UNC5D: variants seen among roughly 807,000 people sequenced by gnomAD.
UNC5D encodes netrin receptor UNC5D.
A neutral mutation model predicts 105.4 loss-of-function variants in UNC5D; 39 were observed. That is an observed-to-expected ratio of 0.37 (90% CI 0.29 to 0.48). UNC5D has a LOEUF of 0.48. UNC5D is among the 20% of genes least tolerant of loss of function. The probability of loss-of-function intolerance (pLI) is 0.98; values close to 1 mark genes in which losing one functional copy is unlikely to be tolerated. For missense variants in UNC5D, 991 were observed against 1,202.4 expected (o/e 0.82, Z 2.60); for synonymous variants, 452 against 450.4 (o/e 1.00, Z -0.04).
At chr8:35,478,451 C>A (rs1810260686) in intron 1 of UNC5D, among the ~76,000 whole-genome samples, 1 of 152,126 alleles carries the variant, frequency 6.6e-6, no homozygotes, top group South Asian at 2.1e-4. Context: ...ACATTAATAT[C>A]CTAGATGAAA....
At position 35,777,430 on chromosome 8, in the gene UNC5D, T is replaced by C. The variant is rs1441042537; in HGVS notation, c.2657+2953T>C. Among the ~76,000 whole-genome samples the C allele has an allele frequency of 2.6e-5, 4 of 152,152 alleles. No homozygotes were observed. The East Asian group carries it at 7.7e-4, about 29-fold the overall frequency. ...ATTCAAAACAATAATACTAAATAAA[T>C]GAAAAACCTCATACAGTTAACATAT... On this transcript the variant is annotated intron_variant, in intron 16 of 16. Coordinates refer to ENST00000404895, the MANE Select transcript of UNC5D (RefSeq NM_080872.4).
intron 1 of UNC5D, among the ~76,000 whole-genome samples, chr8:35,247,555 T>C (rs1191688680): frequency 1.7e-5 from 2 of 117,784 alleles, no homozygotes; most frequent in Non-Finnish European, 3.3e-5. Context: ...ATATAAAATA[T>C]ATATAATATA....
chr8:35,292,829 G>C (rs1807178006), intron 1 of UNC5D, among the ~76,000 whole-genome samples: 1 of 147,080 alleles, frequency 6.8e-6, no homozygotes, highest in Non-Finnish European at 1.5e-5. Flanking sequence ...CAATTCTCCT[G>C]CCTCAGCTCC....
chr8:35,554,016 T>A lies in UNC5D; in HGVS notation c.322+4506T>A, dbSNP rs543228997. 6.8e-4 allele frequency among the ~76,000 whole-genome samples: 104 copies of A among 152,318 alleles called. 5 individuals carry two copies. The South Asian group carries it at 0.021, about 30-fold the overall frequency. ...TCTCTTTGGACAACATATTCTCCAT[T>A]TCTGAAATTCTAGAGAAATTTGATA... On this transcript the variant is annotated intron_variant, in intron 2 of 16. Coordinates refer to ENST00000404895, the MANE Select transcript of UNC5D (RefSeq NM_080872.4).
intron 1 of UNC5D, among the ~76,000 whole-genome samples, chr8:35,321,730 T>TA (rs1224148975): frequency 1.3e-5 from 2 of 152,160 alleles, no homozygotes; most frequent in African/African-American, 4.8e-5. Flanking sequence ...ACAAACTATA[T>TA]AGGCAGATTA....
At chr8:35,598,364 C>G (rs1232192858) in intron 4 of UNC5D, among the ~76,000 whole-genome samples, 1 of 152,094 alleles carries the variant, frequency 6.6e-6, no homozygotes, top group African/African-American at 2.4e-5. Flanking sequence ...CAGTGCTGCT[C>G]AAGGCTATTT....
chr8:35,462,728 C>A (rs1808989837), intron 1 of UNC5D, among the ~76,000 whole-genome samples: 1 of 152,146 alleles, frequency 6.6e-6, no homozygotes, highest in Non-Finnish European at 1.5e-5. Flanking sequence ...GGATCTCTTT[C>A]CCAGCATGGG....
intron 7 of UNC5D, among the ~76,000 whole-genome samples, chr8:35,705,316 G>A (rs1468055417): frequency 6.6e-6 from 1 of 152,132 alleles, no homozygotes; most frequent in Non-Finnish European, 1.5e-5. Flanking sequence ...GCTAAATACT[G>A]TGATTATAAA....
At chr8:35,361,178 G>A (rs191575750) in intron 1 of UNC5D, among the ~76,000 whole-genome samples, 2 of 152,098 alleles carry the variant, frequency 1.3e-5, no homozygotes, top group East Asian at 3.9e-4. Flanking sequence ...GAAATGGGAA[G>A]AGCTTTGGAC....
chr8:35,378,509 T>C (rs1802834791), intron 1 of UNC5D, among the ~76,000 whole-genome samples: 1 of 152,154 alleles, frequency 6.6e-6, no homozygotes, highest in Non-Finnish European at 1.5e-5. Flanking sequence ...GTTTGCCCCA[T>C]ATTTGAGACC....
intron 1 of UNC5D, among the ~76,000 whole-genome samples, chr8:35,538,919 G>T (rs893632020): frequency 3.3e-5 from 5 of 152,056 alleles, no homozygotes; most frequent in Non-Finnish European, 7.4e-5. Context: ...GCAATTTTAT[G>T]TGTAGAATTG....
At chr8:35,259,304 A>G (rs1406380) in intron 1 of UNC5D, among the ~76,000 whole-genome samples, 134,509 of 152,154 alleles carry the variant, frequency 0.88, 59,586 homozygotes, top group East Asian at 1. Flanking sequence ...GCTGGCTGGT[A>G]GTTAGGATGG....
chr8:35,681,939 A>G (rs535146349), intron 4 of UNC5D, among the ~76,000 whole-genome samples: 3 of 151,826 alleles, frequency 2.0e-5, no homozygotes, highest in Non-Finnish European at 4.4e-5. Flanking sequence ...TCATTATTAA[A>G]CCAAATAATT....
At chr8:35,509,804 T>G (rs2130340665) in intron 1 of UNC5D, among the ~76,000 whole-genome samples, 1 of 152,120 alleles carries the variant, frequency 6.6e-6, no homozygotes, top group South Asian at 2.1e-4. Flanking sequence ...CACACAATTG[T>G]CTCCACTTCA....
At chr8:35,460,035 C>T (rs890721364) in intron 1 of UNC5D, among the ~76,000 whole-genome samples, 2 of 152,114 alleles carry the variant, frequency 1.3e-5, no homozygotes, top group Non-Finnish European at 2.9e-5. Context: ...AGCCAGCCCA[C>T]CTGAGCAAAA....
At chr8:35,345,243 G>T (rs571816139) in intron 1 of UNC5D, among the ~76,000 whole-genome samples, 2 of 152,086 alleles carry the variant, frequency 1.3e-5, no homozygotes, top group African/African-American at 4.8e-5. Context: ...TTCCTGACCT[G>T]CTGTGTCTTC....
chr8:35,696,115 CATTACT>C (rs1659580371), intron 7 of UNC5D, among the ~76,000 whole-genome samples: 1 of 152,040 alleles, frequency 6.6e-6, no homozygotes, highest in Non-Finnish European at 1.5e-5. Flanking sequence ...ACAACATATG[CATTACT>C]AGACTGTACT....
chr8:35,670,862 A>AACTT (rs1263414587), intron 4 of UNC5D, among the ~76,000 whole-genome samples: 7 of 152,292 alleles, frequency 4.6e-5, no homozygotes, highest in Non-Finnish European at 8.8e-5. Flanking sequence ...TGTATCCTGG[A>AACTT]ACTTAAAATA....
At chr8:35,572,184 A>G (rs2130802453) in intron 3 of UNC5D, among the ~76,000 whole-genome samples, 1 of 136,450 alleles carries the variant, frequency 7.3e-6, no homozygotes, top group Middle Eastern at 4.2e-3. Flanking sequence ...GCTACTTGGG[A>G]GGCTGAGGTG....
Sources: gnomAD v4.1 joint callset for allele counts (sites outside exome capture counted in the v4.1 genomes callset) on GRCh38, gnomAD v4.1.1 for gene constraint, MANE v1.5 for transcripts, NCBI Gene and HGNC (gene_info 2026-07-23, HGNC 2026-07-21) for gene names.